Variants in RORA observed in about 807,000 individuals in gnomAD.
RORA encodes nuclear receptor ROR-alpha.
RORA carries 7 observed loss-of-function variants against 69.5 expected under a neutral mutation model. The observed-to-expected ratio is 0.10, with a 90% CI of 0.06 to 0.19. The LOEUF (loss-of-function observed/expected upper bound fraction) is 0.19, where lower values mean the gene tolerates loss of function less well. Among genes scored for constraint, RORA ranks in the 10% least tolerant of loss-of-function variants. The pLI is 1.00. For missense variants in RORA, 457 were observed against 663.0 expected, an observed-to-expected ratio of 0.69 and a Z score of 3.41; for synonymous variants, 261 against 240.8, an observed-to-expected ratio of 1.08 and a Z score of -0.78.
chr15:61,106,545 G>C (rs1015169429), intron 1 of RORA, among the ~76,000 whole-genome samples: 15 of 152,180 alleles, frequency 9.9e-5, no homozygotes, highest in African/African-American at 3.6e-4. Flanking sequence ...ACCCATGAAG[G>C]CCTTGGTCAA....
intron 1 of RORA, among the ~76,000 whole-genome samples, chr15:61,146,729 A>G (rs1567010797): frequency 6.6e-6 from 1 of 152,224 alleles, no homozygotes; most frequent in Admixed American, 6.5e-5. Context: ...CACATCCTTC[A>G]TATCACATTA....
At chr15:60,813,120 G>T (rs1422423226) in intron 1 of RORA, among the ~76,000 whole-genome samples, 1 of 152,156 alleles carries the variant, frequency 6.6e-6, no homozygotes, top group African/African-American at 2.4e-5. Flanking sequence ...GGCACCATAG[G>T]AGAGAAAGAG....
At chr15:61,025,515 G>A (rs1013693889) in intron 1 of RORA, among the ~76,000 whole-genome samples, 1 of 152,194 alleles carries the variant, frequency 6.6e-6, no homozygotes, top group East Asian at 1.9e-4. Flanking sequence ...CCAGTTTCTA[G>A]AGATGAAAAT....
chr15:60,944,595 A>T (rs968394666), intron 1 of RORA, among the ~76,000 whole-genome samples: 2 of 151,576 alleles, frequency 1.3e-5, no homozygotes, highest in Non-Finnish European at 2.9e-5. Context: ...TGTGGTGGCA[A>T]GCATCTGTGA....
chr15:61,170,741 T>A (rs2079577996), intron 1 of RORA, among the ~76,000 whole-genome samples: 1 of 152,218 alleles, frequency 6.6e-6, no homozygotes, highest in Non-Finnish European at 1.5e-5. Context: ...ATACCAGCAC[T>A]AGCAGTCAAA....
chr15:60,581,884 T>C (rs1298192777), intron 2 of RORA, among the ~76,000 whole-genome samples: 1 of 152,216 alleles, frequency 6.6e-6, no homozygotes, highest in Non-Finnish European at 1.5e-5. Context: ...TAAGATGGCA[T>C]CACAAGAGAT....
chr15:60,622,444 T>C (rs1185922217), intron 2 of RORA, among the ~76,000 whole-genome samples: 2 of 151,912 alleles, frequency 1.3e-5, no homozygotes, highest in Non-Finnish European at 2.9e-5. Context: ...AAACCCCGTC[T>C]TTACTAAAAA....
intron 1 of RORA, among the ~76,000 whole-genome samples, chr15:61,132,311 G>A (rs2079197036): frequency 6.6e-6 from 1 of 151,962 alleles, no homozygotes; most frequent in Non-Finnish European, 1.5e-5. Context: ...ATGTTTGAAT[G>A]ATTGATAAAC....
chr15:60,519,387 G>C (rs963295396), intron 3 of RORA, among the ~76,000 whole-genome samples: 2 of 152,190 alleles, frequency 1.3e-5, no homozygotes, highest in African/African-American at 2.4e-5. Flanking sequence ...GCTTAGAGAG[G>C]TGTAGTGACT....
chr15:60,908,433 G>A (rs1891608222), intron 1 of RORA, among the ~76,000 whole-genome samples: 1 of 152,096 alleles, frequency 6.6e-6, no homozygotes, highest in South Asian at 2.1e-4. Flanking sequence ...TAATGTTTTA[G>A]AAATAGAAGG....
chr15:61,150,159 G>C (rs570077582), intron 1 of RORA, among the ~76,000 whole-genome samples: 16 of 152,344 alleles, frequency 1.1e-4, no homozygotes, highest in Non-Finnish European at 2.1e-4. Context: ...TCAACAGCCT[G>C]TGGTTCTGTG....
intron 2 of RORA, among the ~76,000 whole-genome samples, chr15:60,633,731 CTA>C (rs1178742479): frequency 6.6e-6 from 1 of 152,184 alleles, no homozygotes; most frequent in Non-Finnish European, 1.5e-5. Context: ...CAAGGGAAAA[CTA>C]TGGTGTGAAA....
At chr15:61,069,036 T>A (rs1260277123) in intron 1 of RORA, among the ~76,000 whole-genome samples, 1 of 152,200 alleles carries the variant, frequency 6.6e-6, no homozygotes, top group Non-Finnish European at 1.5e-5. Context: ...AATACTGACA[T>A]CTGAATCTCT....
In RORA at chr15:61,045,813, C is replaced by T. The variant is rs147699355; in HGVS notation, c.166+183240G>A. On this transcript the variant is annotated intron_variant, in intron 1 of 10. Coordinates refer to ENST00000335670, the MANE Select transcript of RORA (RefSeq NM_134261.3). ...TCTAGACCTAAAATCTCAACACAAA[C>T]GGAATGTCTGATCACTTTAGCTATA... Among the ~76,000 whole-genome samples the T allele has an allele frequency of 1.6e-4, 24 of 152,340 alleles. No homozygotes were observed. In the East Asian group the frequency reaches 2.1e-3, roughly 13 times the overall value.
chr15:61,086,394 A>G (rs2078625265), intron 1 of RORA, among the ~76,000 whole-genome samples: 3 of 152,236 alleles, frequency 2.0e-5, no homozygotes, highest in Non-Finnish European at 4.4e-5. Flanking sequence ...AGTTTATGCT[A>G]AGGCATAGTT....
At chr15:60,628,158 C>T (rs1359403002) in intron 2 of RORA, among the ~76,000 whole-genome samples, 1 of 152,174 alleles carries the variant, frequency 6.6e-6, no homozygotes, top group Non-Finnish European at 1.5e-5. Flanking sequence ...CTGGTGTCCT[C>T]TTCCTGTTGC....
chr15:60,513,360 T>C (rs2065765918), intron 4 of RORA, among the ~76,000 whole-genome samples: 1 of 152,220 alleles, frequency 6.6e-6, no homozygotes, highest in Non-Finnish European at 1.5e-5. Context: ...GCTTAATTTT[T>C]TTGAAAAAAA....
At chr15:61,042,396 T>C (rs75668287) in intron 1 of RORA, among the ~76,000 whole-genome samples, 7 of 145,106 alleles carry the variant, frequency 4.8e-5, no homozygotes, top group African/African-American at 1.3e-4. Flanking sequence ...CACACACACA[T>C]ACACACAAAC....
At chr15:60,538,399 C>T (rs919572099) in intron 2 of RORA, among the ~76,000 whole-genome samples, 1 of 152,118 alleles carries the variant, frequency 6.6e-6, no homozygotes, top group African/African-American at 2.4e-5. Context: ...GCTCACAAAG[C>T]TCTTTGAAGA....
Sources: gnomAD v4.1 joint callset for allele counts (sites outside exome capture counted in the v4.1 genomes callset) on GRCh38, gnomAD v4.1.1 for gene constraint, MANE v1.5 for transcripts, NCBI Gene and HGNC (gene_info 2026-07-23, HGNC 2026-07-21) for gene names.